Variants in TMEM178B observed in about 807,000 individuals in gnomAD.
TMEM178B encodes the protein transmembrane protein 178B.
In TMEM178B, 5 loss-of-function variants were observed where a neutral mutation model predicts 31.0. That is an observed-to-expected ratio of 0.16 (90% CI 0.08 to 0.34). The LOEUF is 0.34. TMEM178B is among the 10% of genes least tolerant of loss of function. TMEM178B has a pLI of 1.00. For synonymous variants in TMEM178B, 164 were observed against 164.0 expected (o/e 1.00, Z 0.00); for missense variants, 275 against 400.3 (o/e 0.69, Z 2.67).
At chr7:141,122,188 G>C (rs1198343136) in intron 1 of TMEM178B, among the ~76,000 whole-genome samples, 2 of 152,056 alleles carry the variant, frequency 1.3e-5, no homozygotes, top group East Asian at 3.8e-4. Context: ...GACTTTTGCT[G>C]GATAAGCAAA....
At chr7:141,440,926 T>C (rs1801645864) in intron 3 of TMEM178B, among the ~76,000 whole-genome samples, 1 of 152,224 alleles carries the variant, frequency 6.6e-6, no homozygotes, top group Non-Finnish European at 1.5e-5. Flanking sequence ...ACATACCTTG[T>C]GAGTACCATT....
the TMEM178B span, among the ~76,000 whole-genome samples, chr7:141,494,772 T>C: frequency 6.6e-6 from 1 of 152,176 alleles, no homozygotes; most frequent in Non-Finnish European, 1.5e-5. Flanking sequence ...TGTTAATTAT[T>C]TTAGGAGTGT....
intron 2 of TMEM178B, among the ~76,000 whole-genome samples, chr7:141,243,290 T>C (rs1394877123): frequency 6.6e-6 from 1 of 152,082 alleles, no homozygotes; most frequent in African/African-American, 2.4e-5. Context: ...TGTGGATTTT[T>C]GTTCTTTTGT....
intron 2 of TMEM178B, among the ~76,000 whole-genome samples, chr7:141,418,360 G>A (rs952377287): frequency 6.6e-6 from 1 of 151,838 alleles, no homozygotes; most frequent in African/African-American, 2.4e-5. Flanking sequence ...AGGTCACAGG[G>A]GACCTCTTCT....
intron 1 of TMEM178B, among the ~76,000 whole-genome samples, chr7:141,189,261 C>T (rs771801500): frequency 2.0e-4 from 31 of 152,236 alleles, no homozygotes; most frequent in Non-Finnish European, 3.1e-4. Context: ...GGATTGGCCA[C>T]GTGAAGCATT....
intron 2 of TMEM178B, among the ~76,000 whole-genome samples, chr7:141,342,841 T>C (rs1799542571): frequency 6.6e-6 from 1 of 152,246 alleles, no homozygotes; most frequent in Non-Finnish European, 1.5e-5. Context: ...CTGCCCACTG[T>C]CGGTAGGTTC....
rs1357734081 is a variant in TMEM178B at position 141,074,590 on chromosome 7, G to A, written c.280G>A (p.Ala94Thr). The A allele has an allele frequency of 2.6e-6, 4 of 1,535,738 alleles. No individual in the cohort carries two copies. The African/African-American group carries it at 4.1e-5, about 16-fold the overall frequency. The stretch of plus-strand genomic sequence containing the variant: ...CCGGCAGCTGTTCGCCATGAGCCCC[G>A]CGGACGAGTGCAGCCGGCAGTACAA... ...NRRQLFAMSP[A>T]DECSRQYNST... Residue 94 changes from alanine (A) to threonine (T), a missense_variant, in exon 1 of 4, where the codon GCG becomes ACG. By Grantham distance (58) the Ala-to-Thr change is moderately conservative. Transcript: ENST00000565468. This position sits in a 1 kb window ranked among gnomAD's most constrained non-coding sequence, Gnocchi z 5.1.
At chr7:141,339,593 A>G (rs1487689467) in intron 2 of TMEM178B, among the ~76,000 whole-genome samples, 2 of 152,246 alleles carry the variant, frequency 1.3e-5, no homozygotes, top group Non-Finnish European at 2.9e-5. Context: ...GCAAATATAA[A>G]ATGGAATAGA....
Position 141,379,290 on chromosome 7 carries a change from G to T in TMEM178B, c.497-58318G>T, listed in dbSNP as rs1800272312. 2.0e-5 allele frequency among the ~76,000 whole-genome samples: 3 copies of T among 147,596 alleles called. No individual in the cohort carries two copies. In the Admixed American group the frequency reaches 2.0e-4, roughly 10 times the overall value. ...AAGACCAGCCTGGTCATCATAGTGA[G>T]ACCCCTGTTTTTCTAAAAAAAAAAA... On this transcript the variant is annotated intron_variant, in intron 2 of 3. Transcript: ENST00000565468.
At chr7:141,392,730 G>C (rs1800568082) in intron 2 of TMEM178B, among the ~76,000 whole-genome samples, 1 of 151,838 alleles carries the variant, frequency 6.6e-6, no homozygotes, top group South Asian at 2.1e-4. Flanking sequence ...AGCTAAAAGG[G>C]AGTCTCTGGA....
chr7:141,273,235 G>A (rs1311832793), intron 2 of TMEM178B, among the ~76,000 whole-genome samples: 1 of 152,192 alleles, frequency 6.6e-6, no homozygotes, highest in Non-Finnish European at 1.5e-5. Flanking sequence ...TGGGAGAATG[G>A]GGAGATGTTG....
intron 2 of TMEM178B, among the ~76,000 whole-genome samples, chr7:141,217,314 A>G (rs2129188744): frequency 6.6e-6 from 1 of 152,320 alleles, no homozygotes; most frequent in Admixed American, 6.5e-5. Flanking sequence ...GTGTGGCACA[A>G]CAAGGGGAGG....
At chr7:141,122,372 T>C (rs1054159453) in intron 1 of TMEM178B, among the ~76,000 whole-genome samples, 9 of 152,244 alleles carry the variant, frequency 5.9e-5, no homozygotes, top group Admixed American at 3.9e-4. Context: ...TAGGGAATTA[T>C]TATTGATAAT....
intron 2 of TMEM178B, among the ~76,000 whole-genome samples, chr7:141,371,703 A>G (rs1800120194): frequency 6.6e-6 from 1 of 152,208 alleles, no homozygotes; most frequent in Admixed American, 6.5e-5. Context: ...TGTGACCCCC[A>G]GCATACCTCT....
chr7:141,458,210 C>G (rs538510702), intron 3 of TMEM178B, among the ~76,000 whole-genome samples: 149 of 152,298 alleles, frequency 9.8e-4, no homozygotes, highest in African/African-American at 3.4e-3. Context: ...ACCTTCGTCT[C>G]CCGGGTTCAA....
intron 2 of TMEM178B, among the ~76,000 whole-genome samples, chr7:141,267,186 C>T (rs1166422565): frequency 6.6e-6 from 1 of 152,232 alleles, no homozygotes; most frequent in Non-Finnish European, 1.5e-5. Flanking sequence ...GCTCTGTAAC[C>T]TTTCTTGGTT....
intron 2 of TMEM178B, among the ~76,000 whole-genome samples, chr7:141,324,660 A>G (rs1284190392): frequency 2.6e-5 from 4 of 151,798 alleles, no homozygotes; most frequent in Admixed American, 2.6e-4. Context: ...GAGAAATGCA[A>G]CTGTTAGATT....
chr7:141,286,425 C>T, intron 2 of TMEM178B, among the ~76,000 whole-genome samples: 1 of 152,098 alleles, frequency 6.6e-6, no homozygotes, highest in Non-Finnish European at 1.5e-5. Flanking sequence ...TGCCCTTATC[C>T]CAACCATTAC....
At chr7:141,162,739 T>C (rs981207967) in intron 1 of TMEM178B, among the ~76,000 whole-genome samples, 3 of 152,006 alleles carry the variant, frequency 2.0e-5, no homozygotes, top group Non-Finnish European at 4.4e-5. Context: ...TTTCAAGAGG[T>C]GGTATTGTGT....
Sources: gnomAD v4.1 joint callset for allele counts (sites outside exome capture counted in the v4.1 genomes callset) on GRCh38, gnomAD v4.1.1 for gene constraint, Gnocchi (gnomAD v3.1) non-coding constraint, MANE v1.5 for transcripts, NCBI Gene and HGNC (gene_info 2026-07-23, HGNC 2026-07-21) for gene names.